Variants in ZNF106 observed in about 807,000 individuals in gnomAD.
ZNF106 encodes SH3-domain binding protein 3.
A neutral mutation model predicts 195.1 loss-of-function variants in ZNF106; 67 were observed. The ratio of observed to expected loss-of-function variants is 0.34; its 90% confidence interval spans 0.28 to 0.42. The LOEUF (loss-of-function observed/expected upper bound fraction) is 0.42. ZNF106 is among the 10% of genes least tolerant of loss of function. The pLI is 1.00. For missense variants in ZNF106, 2,118 were observed against 2,304.5 expected (o/e 0.92, Z 1.66); for synonymous variants, 784 against 818.6 (o/e 0.96, Z 0.72).
At chr15:42,436,139 G>A (rs1285706298) in intron 13 of ZNF106, among the ~76,000 whole-genome samples, 3 of 151,996 alleles carry the variant, frequency 2.0e-5, no homozygotes, top group Non-Finnish European at 2.9e-5. Flanking sequence ...ATTTTTAGTA[G>A]AGATGGGGTT....
At chr15:42,429,007 T>C (rs1386499979) in intron 14 of ZNF106, among the ~76,000 whole-genome samples, 1 of 151,484 alleles carries the variant, frequency 6.6e-6, no homozygotes, top group East Asian at 2.0e-4. Context: ...CCTCGTGATC[T>C]GCCCGCCTCG....
At chr15:42,488,557 T>G (rs2057066666) in intron 1 of ZNF106, among the ~76,000 whole-genome samples, 1 of 152,110 alleles carries the variant, frequency 6.6e-6, no homozygotes, top group Non-Finnish European at 1.5e-5. Context: ...TCTTATTCAT[T>G]GGGTACAGAA....
In ZNF106 at chr15:42,451,943, G is replaced by A. The variant is rs747284352; in HGVS notation, c.329C>T (p.Pro110Leu). 5.0e-6 allele frequency: 8 copies of A among 1,603,358 alleles called. No homozygotes were observed. The highest frequency in any genetic ancestry group is 6.8e-6 in the Non-Finnish European group (8 of 1,175,360). Residue 110 changes from proline (P) to leucine (L), a missense_variant, in exon 5 of 22, where the codon CCT becomes CTT. Coordinates refer to ENST00000564754, the MANE Select transcript of ZNF106 (RefSeq NM_001366845.3). ...GTTTATTTCTTGGTTGCTATTGGAA[G>A]GTTCATCTTGTCTGGAAGAAAAACA... ...QRKEQSRQDE[P>L]SNSNQEINSD...
At chr15:42,476,794 C>T (rs1035014574) in intron 1 of ZNF106, among the ~76,000 whole-genome samples, 6 of 152,032 alleles carry the variant, frequency 3.9e-5, no homozygotes, top group Admixed American at 3.9e-4. Context: ...TATAAGTGGA[C>T]CTGCGAACCG....
chr15:42,418,558 T>TTTTC (rs1256860572), intron 20 of ZNF106, among the ~76,000 whole-genome samples: 30 of 141,266 alleles, frequency 2.1e-4, no homozygotes, highest in Admixed American at 2.1e-3. Context: ...TTTTTTTTTT[T>TTTTC]AGTAAAGACA....
chr15:42,425,098 GGTACAAACTCATTTC>G, intron 15 of ZNF106, 73 bp from the exon 16 acceptor site: 1 of 1,440,992 alleles, frequency 6.9e-7, no homozygotes, highest in Non-Finnish European at 9.6e-7. Flanking sequence ...TCATTACCTT[GGTACAAACTCATTTC>G]TGTCACCTGT....
rs1220941040 is a variant in ZNF106, at chr15:42,466,033, G to C, written c.116+20C>G. The C allele has an allele frequency of 2.0e-6, 3 of 1,527,790 alleles. No individual in the cohort carries two copies. The African/African-American group carries it at 4.1e-5, about 21-fold the overall frequency. 94.6% of individuals were successfully genotyped at this position (1,527,790 alleles called of 1,614,324 possible). A position where few individuals can be genotyped will look rare whatever the true frequency, so the allele number is the denominator to read the frequency against. On this transcript the variant is annotated intron_variant, in intron 3 of 21. Coordinates refer to ENST00000564754, the MANE Select transcript of ZNF106 (RefSeq NM_001366845.3). ...ATCCACCCACATTCACAAACTTATGGAAGAGAGCCGTTCCCATACCTGCCC... is the reference window on the plus strand; with the variant it reads ...ATCCACCCACATTCACAAACTTATGCAAGAGAGCCGTTCCCATACCTGCCC...
At chr15:42,461,368 C>A (rs902253118) in intron 3 of ZNF106, among the ~76,000 whole-genome samples, 2 of 152,198 alleles carry the variant, frequency 1.3e-5, no homozygotes, top group Non-Finnish European at 2.9e-5. Flanking sequence ...AATAATTTTC[C>A]TTAGGGCATT....
At chr15:42,430,623 G>T (rs12102254) in intron 14 of ZNF106, among the ~76,000 whole-genome samples, 1 of 151,882 alleles carries the variant, frequency 6.6e-6, no homozygotes. Context: ...GGGCTCAAGC[G>T]ATCCTCCCAA....
Position 42,448,593 on chromosome 15 carries a change from A to G in ZNF106, c.2614T>C (p.Ser872Pro). 2 of 1,614,158 alleles carry G rather than the reference A, an allele frequency of 1.2e-6. No homozygotes were observed. The highest frequency in any genetic ancestry group is 2.7e-5 in the African/African-American group (2 of 75,040). Residue 872 changes from serine (S) to proline (P), a missense_variant, in exon 6 of 22, where the codon TCC becomes CCC. Transcript: ENST00000564754. ...TTTCTTGCCAAGCCAGGGGACGAGGAAATGGAAACACCTTCCCACTGGAAT... is the reference window on the plus strand; with the variant it reads ...TTTCTTGCCAAGCCAGGGGACGAGGGAATGGAAACACCTTCCCACTGGAAT... ...EGFQWEGVSISSSPGLARKRS... is the reference protein window; with the variant it reads ...EGFQWEGVSIPSSPGLARKRS...
intron 4 of ZNF106, among the ~76,000 whole-genome samples, chr15:42,452,830 C>A (rs1040691416): frequency 6.6e-6 from 1 of 151,730 alleles, no homozygotes; most frequent in African/African-American, 2.4e-5. Flanking sequence ...GGATTACAGG[C>A]ATGCGCCACC....
intron 2 of ZNF106, among the ~76,000 whole-genome samples, chr15:42,467,118 C>T (rs184349556): frequency 6.6e-6 from 1 of 152,096 alleles, no homozygotes; most frequent in African/African-American, 2.4e-5. Flanking sequence ...GGCGACAGAA[C>T]GAGACTCCGT....
At chr15:42,421,895 T>G in intron 19 of ZNF106, 22 bp downstream of exon 19, 1 of 1,517,228 alleles carries the variant, frequency 6.6e-7, no homozygotes, top group Non-Finnish European at 8.9e-7. Context: ...AGCAAATATC[T>G]TACATGACAA....
In ZNF106 at chr15:42,413,446, T is replaced by G. The variant is rs2054337763; in HGVS notation, c.*3858A>C. The G allele has an allele frequency of 6.6e-6, 1 of 152,544 alleles. No individual in the cohort carries two copies. The highest frequency in any genetic ancestry group is 1.5e-5 in the Non-Finnish European group (1 of 68,042). The allele number at this position is 152,544 out of a possible 1,614,324, so 9.4% of individuals were successfully genotyped here. ...AGGTAACAGAAACAAAATTTAGATG[T>G]AAGCATAAACTGCAGTTATTTGAGC... On this transcript the variant is annotated 3_prime_UTR_variant, in exon 22 of 22. Transcript: ENST00000564754.
intron 1 of ZNF106, among the ~76,000 whole-genome samples, chr15:42,481,130 T>G (rs192827016): frequency 3.3e-4 from 50 of 152,264 alleles, no homozygotes; most frequent in African/African-American, 1.2e-3. Context: ...TGCTTTTTTG[T>G]GCTATAGTAA....
Position 42,446,589 on chromosome 15 carries a change from CT to C in ZNF106, c.3204del (p.Glu1069AsnfsTer9), listed in dbSNP as rs1306306437. On this transcript the variant is annotated frameshift_variant and splice_region_variant, in exon 7 of 22. Coordinates refer to ENST00000564754, the MANE Select transcript of ZNF106 (RefSeq NM_001366845.3). LOFTEE classifies it high-confidence loss of function. ...KNKRRKIKGK[K>X]ERSQVDQLLN... is the part of the protein sequence containing the mutation. ...TCTTCCAAAATATTCTGCACCATACCTTTTTTTCCTTTAATTTTCCTTCTTT... is the reference window on the plus strand; with the variant it reads ...TCTTCCAAAATATTCTGCACCATACCTTTTTTCCTTTAATTTTCCTTCTTT... The C allele has an allele frequency of 2.5e-6, 4 of 1,590,372 alleles. No individual in the cohort carries two copies. Among genetic ancestry groups the C allele is most frequent in the Admixed American group, 1.7e-5 (1 of 57,708 alleles).
chr15:42,468,697 C>T (rs1270436505), intron 2 of ZNF106, among the ~76,000 whole-genome samples: 5 of 151,260 alleles, frequency 3.3e-5, no homozygotes, highest in South Asian at 2.1e-4. Context: ...GAGCCAAGAT[C>T]GCGCCATTGC....
At chr15:42,463,357 C>T (rs1866396) in intron 3 of ZNF106, among the ~76,000 whole-genome samples, 148,459 of 152,260 alleles carry the variant, frequency 0.98, 72,410 homozygotes, top group East Asian at 1. Context: ...TTCATAGATT[C>T]TGAATGTTAA....
intron 9 of ZNF106, 23 bp from the exon 10 acceptor site, chr15:42,442,437 A>G (rs369859045): frequency 6.2e-5 from 96 of 1,560,468 alleles, no homozygotes; most frequent in Non-Finnish European, 8.3e-5. Flanking sequence ...ACATACATAC[A>G]TAGAAATGCA....
Sources: allele counts gnomAD v4.1 joint callset (sites outside exome capture counted in the v4.1 genomes callset), GRCh38; gene constraint gnomAD v4.1.1; transcripts MANE v1.5; gene names NCBI Gene and HGNC (gene_info 2026-07-23, HGNC 2026-07-21).